NAV3: variants seen among roughly 807,000 people sequenced by gnomAD.
NAV3 encodes the protein neuron navigator 3.
A neutral mutation model predicts 244.7 loss-of-function variants in NAV3; 87 were observed. The ratio of observed to expected loss-of-function variants is 0.36; its 90% CI spans 0.30 to 0.42. The LOEUF (loss-of-function observed/expected upper bound fraction) is 0.42. Ranked by LOEUF, NAV3 falls within the 20% of genes least tolerant of loss-of-function variation. The pLI is 1.00. For missense variants in NAV3, 2,663 were observed against 2,893.3 expected (o/e 0.92, Z 1.83); for synonymous variants, 1,126 against 1,042.2 (o/e 1.08, Z -1.55).
At chr12:77,689,330 A>G (rs570724497) in intron 2 of NAV3, among the ~76,000 whole-genome samples, 1 of 152,064 alleles carries the variant, frequency 6.6e-6, no homozygotes, top group African/African-American at 2.4e-5. Flanking sequence ...AGCTCATCCA[A>G]GATTCCATTT....
intron 3 of NAV3, among the ~76,000 whole-genome samples, chr12:77,946,692 A>G (rs1593078199): frequency 6.6e-6 from 1 of 152,312 alleles, no homozygotes; most frequent in East Asian, 1.9e-4. Flanking sequence ...GAAATAAATT[A>G]GTAAACTATA....
intron 20 of NAV3, among the ~76,000 whole-genome samples, chr12:78,141,314 T>A (rs1403146976): frequency 6.6e-6 from 1 of 152,226 alleles, no homozygotes; most frequent in African/African-American, 2.4e-5. Flanking sequence ...CTATCTTTTT[T>A]AAAAAAGTAG....
intron 7 of NAV3, among the ~76,000 whole-genome samples, chr12:78,001,842 A>G (rs1056312583): frequency 6.6e-6 from 1 of 152,198 alleles, no homozygotes; most frequent in Non-Finnish European, 1.5e-5. Flanking sequence ...TAAAATGAAA[A>G]CAGCATCATT....
chr12:77,721,486 G>A (rs1876630958), intron 2 of NAV3, among the ~76,000 whole-genome samples: 1 of 152,060 alleles, frequency 6.6e-6, no homozygotes, highest in South Asian at 2.1e-4. Flanking sequence ...AGCCATTTAA[G>A]ATATGCTGAG....
chr12:77,761,718 C>T (rs1869474335), intron 2 of NAV3, among the ~76,000 whole-genome samples: 1 of 152,104 alleles, frequency 6.6e-6, no homozygotes, highest in Non-Finnish European at 1.5e-5. Context: ...AAATCAAAAC[C>T]ACAAGGAGAT....
At chr12:77,909,520 G>A (rs748021924) in intron 1 of NAV3, among the ~76,000 whole-genome samples, 8 of 151,886 alleles carry the variant, frequency 5.3e-5, no homozygotes, top group South Asian at 4.1e-4. Context: ...ATGGAAAAAA[G>A]GCAGATTAGC....
chr12:77,579,875 C>A (rs980983790), intron 2 of NAV3, among the ~76,000 whole-genome samples: 5 of 152,206 alleles, frequency 3.3e-5, no homozygotes, highest in Non-Finnish European at 7.3e-5. Context: ...TACTCAACTT[C>A]TGTCTTCCTC....
chr12:78,027,697 CTT>C (rs1030471675), intron 9 of NAV3, among the ~76,000 whole-genome samples: 6 of 152,164 alleles, frequency 3.9e-5, no homozygotes, highest in African/African-American at 1.4e-4. Context: ...TGCTATGTAT[CTT>C]TTCCATGCAC....
In NAV3 at chr12:77,948,500, AT is replaced by A. The variant is rs200376434; in HGVS notation, c.414+7375del. 2.8e-3 allele frequency among the ~76,000 whole-genome samples: 427 copies of A among 151,706 alleles called. 5 individuals carry two copies. The highest frequency in any genetic ancestry group is 7.9e-3 in the African/African-American group (328 of 41,464). ...AAATAATTGGCATATTTTTATCCTG[AT>A]TTTTTTTGTACTTAAAATGCTACAA... On this transcript the variant is annotated intron_variant, in intron 3 of 39. Coordinates refer to ENST00000397909, the MANE Select transcript of NAV3 (RefSeq NM_001024383.2).
chr12:77,862,455 A>G (rs1351215), intron 1 of NAV3, among the ~76,000 whole-genome samples: 38,136 of 151,644 alleles, frequency 0.25, 5,669 homozygotes, highest in East Asian at 0.42. Flanking sequence ...TTGGAGGATC[A>G]TCTATAACTG....
chr12:77,836,352 A>G (rs1874631936), intron 1 of NAV3, among the ~76,000 whole-genome samples: 2 of 151,798 alleles, frequency 1.3e-5, no homozygotes, highest in Non-Finnish European at 2.9e-5. Context: ...TTTTACTCCT[A>G]TTTTCATTTC....
At chr12:77,800,264 T>C (rs572176415) in intron 2 of NAV3, among the ~76,000 whole-genome samples, 29 of 152,314 alleles carry the variant, frequency 1.9e-4, no homozygotes, top group South Asian at 1.2e-3. Context: ...GGGTGGGCTT[T>C]AGAAATGAAA....
At chr12:78,185,310 G>A (rs1386515652) in intron 30 of NAV3, among the ~76,000 whole-genome samples, 1 of 151,766 alleles carries the variant, frequency 6.6e-6, no homozygotes, top group East Asian at 1.9e-4. Context: ...GTATTACTCA[G>A]ACCTATGTGT....
intron 2 of NAV3, among the ~76,000 whole-genome samples, chr12:77,795,331 G>A (rs1871357863): frequency 6.6e-6 from 1 of 152,054 alleles, no homozygotes; most frequent in Non-Finnish European, 1.5e-5. Flanking sequence ...GGCTGAAAAA[G>A]GTGAGGAAGC....
chr12:78,084,569 C>G (rs2137888793), intron 12 of NAV3, among the ~76,000 whole-genome samples: 1 of 152,056 alleles, frequency 6.6e-6, no homozygotes, highest in African/African-American at 2.4e-5. Flanking sequence ...TCCATATTGC[C>G]CTTGAGCCAC....
intron 2 of NAV3, among the ~76,000 whole-genome samples, chr12:77,639,245 C>T (rs1203441377): frequency 1.3e-5 from 2 of 152,144 alleles, no homozygotes; most frequent in Admixed American, 1.3e-4. Context: ...GAATGTCCTT[C>T]ATTCATTAAC....
chr12:77,934,773 C>A (rs1350261131), intron 1 of NAV3, among the ~76,000 whole-genome samples: 3 of 152,082 alleles, frequency 2.0e-5, no homozygotes, highest in Non-Finnish European at 2.9e-5. Flanking sequence ...TTGAACATAC[C>A]AGGGAGCAGT....
At chr12:77,777,160 C>T (rs10735298) in intron 2 of NAV3, among the ~76,000 whole-genome samples, 144,537 of 152,288 alleles carry the variant, frequency 0.95, 69,024 homozygotes, top group East Asian at 1. Flanking sequence ...TATATATTTG[C>T]TTTTTGTTTT....
At chr12:77,615,710 T>C (rs1871121194) in intron 2 of NAV3, among the ~76,000 whole-genome samples, 1 of 152,178 alleles carries the variant, frequency 6.6e-6, no homozygotes, top group African/African-American at 2.4e-5. Flanking sequence ...AGTAGAATGA[T>C]TTATTTTCCT....
Sources: gnomAD v4.1 joint callset for allele counts (sites outside exome capture counted in the v4.1 genomes callset) on GRCh38, gnomAD v4.1.1 for gene constraint, MANE v1.5 for transcripts, NCBI Gene and HGNC (gene_info 2026-07-23, HGNC 2026-07-21) for gene names.